PHACTR2: variants seen among roughly 807,000 people sequenced by gnomAD.
PHACTR2 encodes phosphatase and actin regulator 2.
Under a neutral mutation model 76.0 loss-of-function variants are expected in PHACTR2, and 30 were observed. The observed-to-expected ratio is 0.39, with a 90% confidence interval of 0.30 to 0.54. The LOEUF (loss-of-function observed/expected upper bound fraction) is 0.54, where lower values mean the gene tolerates loss of function less well. Ranked by LOEUF, PHACTR2 falls within the 20% of genes least tolerant of loss-of-function variation. The pLI is 0.61. For synonymous variants in PHACTR2, 292 were observed against 292.5 expected, an observed-to-expected ratio of 1.00 and a Z score of 0.02; for missense variants, 696 against 781.1, an observed-to-expected ratio of 0.89 and a Z score of 1.30.
intron 1 of PHACTR2, among the ~76,000 whole-genome samples, chr6:143,682,205 A>G (rs1396995156): frequency 6.6e-6 from 1 of 152,194 alleles, no homozygotes; most frequent in Non-Finnish European, 1.5e-5. Flanking sequence ...ATGAACATAG[A>G]TGCCTTTCCA....
At chr6:143,711,578 T>G (rs1453100521) in intron 1 of PHACTR2, among the ~76,000 whole-genome samples, 1 of 152,238 alleles carries the variant, frequency 6.6e-6, no homozygotes, top group East Asian at 1.9e-4. Flanking sequence ...AATTTTATTT[T>G]GTGAATGAGA....
intron 6 of PHACTR2, among the ~76,000 whole-genome samples, chr6:143,766,805 C>A (rs998996261): frequency 2.6e-5 from 4 of 152,152 alleles, no homozygotes; most frequent in African/African-American, 4.8e-5. Flanking sequence ...ATTCTACTTA[C>A]AGGTAAATAA....
chr6:143,788,693 A>T, intron 10 of PHACTR2, 80 bp from the exon 11 acceptor site: 2 of 1,076,910 alleles, frequency 1.9e-6, no homozygotes, highest in Non-Finnish European at 2.6e-6. Flanking sequence ...ATAACTTTGA[A>T]GTGTTCTCTA....
rs989855181 is a variant in PHACTR2, at chr6:143,795,902, T to C, written c.1845+6992T>C. ...TGAGAAGCCAAGCTTTGTTCCCCAT[T>C]GGTGATATTTTCACCGTTGATTCCT... On this transcript the variant is annotated intron_variant, in intron 11 of 12. Transcript: ENST00000440869. This position sits in a 1 kb window ranked among gnomAD's most constrained non-coding sequence, Gnocchi z 4.8. Among the ~76,000 whole-genome samples, 1 of 152,252 alleles carries C rather than the reference T, an allele frequency of 6.6e-6. No homozygotes were observed. The highest frequency in any genetic ancestry group is 2.4e-5 in the African/African-American group (1 of 41,468).
At chr6:143,798,990 A>T (rs974359603) in intron 11 of PHACTR2, among the ~76,000 whole-genome samples, 2 of 152,188 alleles carry the variant, frequency 1.3e-5, no homozygotes, top group African/African-American at 4.8e-5. Flanking sequence ...CTTCTGGTAG[A>T]ATTTGGCTGT....
In PHACTR2 at chr6:143,570,763, G is replaced by C. The variant is rs894513233; in HGVS notation, c.217+33556G>C. Among the ~76,000 whole-genome samples the C allele has an allele frequency of 2.0e-5, 3 of 152,114 alleles. No homozygotes were observed. Among genetic ancestry groups the C allele is most frequent in the Non-Finnish European group, 4.4e-5 (3 of 68,030 alleles). On this transcript the variant is annotated intron_variant, in intron 1 of 11. Transcript: ENST00000367584. This position sits in a 1 kb window ranked among gnomAD's most constrained non-coding sequence, Gnocchi z 4.6. ...GGAGAAGTAGCAGGTTCATCGACTCGTTCTGGTAGGGGGCCTCTATCTTAT... is the reference window on the plus strand; with the variant it reads ...GGAGAAGTAGCAGGTTCATCGACTCCTTCTGGTAGGGGGCCTCTATCTTAT...
chr6:143,548,678 A>G lies in PHACTR2; in HGVS notation c.217+11471A>G, dbSNP rs1469516226. On this transcript the variant is annotated intron_variant, in intron 1 of 11. Transcript: ENST00000367584. The surrounding 1 kb of genome is among the most constrained non-coding windows in gnomAD (Gnocchi z 4.5). ...AGAGGTGGGGGACTGGGAAAACACA[A>G]CAAAAGCATTCATTACCTCCTTGTA... is the stretch of plus-strand genomic sequence containing the variant. Among the ~76,000 whole-genome samples the G allele has an allele frequency of 1.3e-5, 2 of 151,988 alleles. No homozygotes were observed. Among genetic ancestry groups the G allele is most frequent in the African/African-American group, 2.4e-5 (1 of 41,408 alleles).
At position 143,554,908 on chromosome 6, in the gene PHACTR2, C is replaced by A. The variant is rs1775150556; in HGVS notation, c.217+17701C>A. Reference sequence around the variant, plus strand: ...TGTTCCTGTTGCATTATTTTCTTAACTCTTGGTGTGTTGAGTTGATAAATA... The same window carrying A: ...TGTTCCTGTTGCATTATTTTCTTAAATCTTGGTGTGTTGAGTTGATAAATA... On this transcript the variant is annotated intron_variant, in intron 1 of 11. Coordinates refer to the PHACTR2 transcript ENST00000367584. This position sits in a 1 kb window ranked among gnomAD's most constrained non-coding sequence, Gnocchi z 5.9. 1 of 151,996 alleles carries A rather than the reference C, an allele frequency of 6.6e-6. No individual in the cohort carries two copies. 9.4% of individuals were successfully genotyped at this position (151,996 alleles called of 1,614,324 possible).
chr6:143,588,021 A>C (rs1321605561), intron 1 of PHACTR2, among the ~76,000 whole-genome samples: 8 of 147,186 alleles, frequency 5.4e-5, no homozygotes, highest in African/African-American at 1.6e-4. Context: ...TCTAAAATAA[A>C]ATAAAATAAA....
Position 143,777,654 on chromosome 6 carries a change from C to T in PHACTR2, c.1645+271C>T, listed in dbSNP as rs868464859. On this transcript the variant is annotated intron_variant, in intron 9 of 12. Coordinates refer to ENST00000440869, the MANE Select transcript of PHACTR2 (RefSeq NM_001100164.2). This position sits in a 1 kb window ranked among gnomAD's most constrained non-coding sequence, Gnocchi z 4.6. ...GTGTTTAAGAAAGATGAAATATATTCCATGTATTCTTTCACCCAAATATTA... is the reference window on the plus strand; with the variant it reads ...GTGTTTAAGAAAGATGAAATATATTTCATGTATTCTTTCACCCAAATATTA... Among the ~76,000 whole-genome samples the T allele has an allele frequency of 2.0e-5, 3 of 152,036 alleles. No homozygotes were observed. The highest frequency in any genetic ancestry group is 4.8e-5 in the African/African-American group (2 of 41,376).
At position 143,550,565 on chromosome 6, in the gene PHACTR2, C is replaced by T. The variant is rs1775082268; in HGVS notation, c.217+13358C>T. On this transcript the variant is annotated intron_variant, in intron 1 of 11. Transcript: ENST00000367584. The surrounding 1 kb of genome is among the most constrained non-coding windows in gnomAD (Gnocchi z 4.8). ...TAAACTAATCCACGCTTTGAAGGAT[C>T]TAGAGAGAGAGCATGGCTTTAGAAC... is the stretch of plus-strand genomic sequence containing the variant. Among the ~76,000 whole-genome samples, 1 of 151,960 alleles carries T rather than the reference C, an allele frequency of 6.6e-6. No individual in the cohort carries two copies. The highest frequency in any genetic ancestry group is 1.5e-5 in the Non-Finnish European group (1 of 67,958).
chr6:143,776,629 C>G lies in PHACTR2; in HGVS notation c.1590-699C>G, dbSNP rs1423917352. ...CAGCCTCAGCCATGATCTGTAGGCCCACACATACCTGGTTTGAACCACTGC... is the reference window on the plus strand; with the variant it reads ...CAGCCTCAGCCATGATCTGTAGGCCGACACATACCTGGTTTGAACCACTGC... On this transcript the variant is annotated intron_variant, in intron 8 of 12. Transcript: ENST00000440869. This position sits in a 1 kb window ranked among gnomAD's most constrained non-coding sequence, Gnocchi z 5.3. Among the ~76,000 whole-genome samples the G allele has an allele frequency of 6.6e-6, 1 of 151,856 alleles. No homozygotes were observed. The highest frequency in any genetic ancestry group is 2.4e-5 in the African/African-American group (1 of 41,302).
Position 143,733,522 on chromosome 6 carries a change from GA to G in PHACTR2, c.215-15462del, listed in dbSNP as rs1247714428. On this transcript the variant is annotated intron_variant, in intron 2 of 12. Transcript: ENST00000440869. This position sits in a 1 kb window ranked among gnomAD's most constrained non-coding sequence, Gnocchi z 4.0. The stretch of plus-strand genomic sequence containing the variant: ...ATTTGGAAAGTGCTGGATTTGGGGT[GA>G]GGGGTAGGGAATGACTGCTTGTTTT... 6.6e-6 allele frequency among the ~76,000 whole-genome samples: 1 copy of G among 152,222 alleles called. No individual in the cohort carries two copies. The highest frequency in any genetic ancestry group is 6.5e-5 in the Admixed American group (1 of 15,278).
At position 143,788,642 on chromosome 6, in the gene PHACTR2, C is replaced by CTT. The variant is rs200962238; in HGVS notation, c.1708-117_1708-116dup. ...TTAGAAATTCCCAAGATGCTGTTGC[C>CTT]TTTTTTTTTTTTTTTGATCTGAAAG... is the stretch of plus-strand genomic sequence containing the variant. On this transcript the variant is annotated intron_variant, in intron 10 of 12. Coordinates refer to ENST00000440869, the MANE Select transcript of PHACTR2 (RefSeq NM_001100164.2). 1.1e-3 allele frequency: 466 copies of CTT among 435,930 alleles called. 2 individuals are homozygous for CTT. Among genetic ancestry groups the CTT allele is most frequent in the African/African-American group, 5.4e-3 (256 of 47,002 alleles). 27.0% of individuals were successfully genotyped at this position (435,930 alleles called of 1,614,324 possible).
intron 2 of PHACTR2, among the ~76,000 whole-genome samples, chr6:143,740,020 A>C (rs1252760950): frequency 6.6e-6 from 1 of 152,212 alleles, no homozygotes; most frequent in East Asian, 1.9e-4. Flanking sequence ...CAAGTTTATT[A>C]AGAAAGTAAA....
At chr6:143,651,362 A>G (rs554923400) in intron 1 of PHACTR2, among the ~76,000 whole-genome samples, 97 of 152,302 alleles carry the variant, frequency 6.4e-4, no homozygotes, top group Middle Eastern at 3.4e-3. Flanking sequence ...AGAAATGTAA[A>G]CCATTCTGTT....
rs948572474 is a variant in PHACTR2, at chr6:143,557,725, C to T, written c.217+20518C>T. ...GTTCCTTGCGTACCCCACCCTCCTTCGTCAGCATGCTGCCACCTTTGAAAC... is the reference window on the plus strand; with the variant it reads ...GTTCCTTGCGTACCCCACCCTCCTTTGTCAGCATGCTGCCACCTTTGAAAC... On this transcript the variant is annotated intron_variant, in intron 1 of 11. Transcript: ENST00000367584. The surrounding 1 kb of genome is among the most constrained non-coding windows in gnomAD (Gnocchi z 5.5). 1.3e-5 allele frequency: 2 copies of T among 152,168 alleles called. No homozygotes were observed. The highest frequency in any genetic ancestry group is 6.5e-5 in the Admixed American group (1 of 15,278). The allele number at this position is 152,168 out of a possible 1,614,324, so 9.4% of individuals were successfully genotyped here.
chr6:143,747,919 C>T (rs929346570), intron 2 of PHACTR2, among the ~76,000 whole-genome samples: 3 of 152,296 alleles, frequency 2.0e-5, no homozygotes, highest in African/African-American at 7.2e-5. Flanking sequence ...ATACTATACA[C>T]ACTCAAGGGG....
intron 1 of PHACTR2, among the ~76,000 whole-genome samples, chr6:143,568,116 T>A (rs1775388172): frequency 6.6e-6 from 1 of 152,196 alleles, no homozygotes. Context: ...AAAAAATCCA[T>A]AATATCCAGG....
Sources: allele counts gnomAD v4.1 joint callset (sites outside exome capture counted in the v4.1 genomes callset), GRCh38; gene constraint gnomAD v4.1.1; non-coding constraint Gnocchi (gnomAD v3.1); transcripts MANE v1.5; gene names NCBI Gene and HGNC (gene_info 2026-07-23, HGNC 2026-07-21).